Variants in MTOR observed in about 807,000 individuals in gnomAD.
The protein encoded by MTOR is serine/threonine-protein kinase mTOR.
A neutral mutation model predicts 319.8 loss-of-function variants in MTOR; 70 were observed. The ratio of observed to expected loss-of-function variants is 0.22; its 90% CI spans 0.18 to 0.27. The LOEUF (loss-of-function observed/expected upper bound fraction) is 0.27. MTOR is among the 10% of genes least tolerant of loss of function. The probability of loss-of-function intolerance (pLI) is 1.00; values close to 1 mark genes in which losing one functional copy is unlikely to be tolerated. For missense variants in MTOR, 1,890 were observed against 3,274.4 expected (o/e 0.58, Z 10.32); for synonymous variants, 1,183 against 1,211.4 (o/e 0.98, Z 0.49).
intron 19 of MTOR, among the ~76,000 whole-genome samples, chr1:11,227,806 C>T (rs1056353048): frequency 1.3e-5 from 2 of 152,098 alleles, no homozygotes; most frequent in Non-Finnish European, 2.9e-5. Context: ...GGATTATCAA[C>T]GGATGCTAAA....
rs776212740 is a variant in MTOR, at chr1:11,231,453, A to G, written c.2515-19T>C. ...GAGCCACCTGGATAGGCACAAGAAC[A>G]CGATTCAATGAGCCAGTACGAGAGA... is the stretch of plus-strand genomic sequence containing the variant. On this transcript the variant is annotated intron_variant, in intron 16 of 57. Transcript: ENST00000361445. 322 of 1,613,046 alleles carry G rather than the reference A, an allele frequency of 2.0e-4. No individual in the cohort carries two copies. The highest frequency in any genetic ancestry group is 2.6e-4 in the Non-Finnish European group (312 of 1,179,660).
rs543758004 is a variant in MTOR at position 11,183,146 on chromosome 1, T to C, written c.4254-15629A>G. Among the ~76,000 whole-genome samples, 3 of 152,362 alleles carry C rather than the reference T, an allele frequency of 2.0e-5. No homozygotes were observed. The East Asian group carries it at 5.8e-4, about 29-fold the overall frequency. On this transcript the variant is annotated intron_variant, in intron 28 of 57. Transcript: ENST00000361445. ...CATTTGCTATTTTCAGCCTTTTCCA[T>C]TTCAGCCCTTCTGGTTGGTGTGCAG...
At chr1:11,240,195 C>T in intron 11 of MTOR, 108 bp downstream of exon 11, 1 of 1,417,524 alleles carries the variant, frequency 7.1e-7, no homozygotes, top group South Asian at 1.6e-5. Context: ...ATCAGCTACC[C>T]TGTCTTTAGC....
At chr1:11,117,676 C>T (rs535464074) in intron 49 of MTOR, among the ~76,000 whole-genome samples, 38 of 152,106 alleles carry the variant, frequency 2.5e-4, no homozygotes, top group Admixed American at 1.2e-3. Context: ...AAATAGATGA[C>T]GATAGCCCCT....
intron 1 of MTOR, among the ~76,000 whole-genome samples, chr1:11,261,099 G>C (rs892833181): frequency 6.6e-6 from 1 of 151,870 alleles, no homozygotes; most frequent in Non-Finnish European, 1.5e-5. Context: ...GCCTGGACTA[G>C]TCACATTTCA....
chr1:11,130,400 G>T, intron 39 of MTOR, 129 bp downstream of exon 39: 1 of 1,397,142 alleles, frequency 7.2e-7, no homozygotes, highest in African/African-American at 1.4e-5. Context: ...TGGTAGATAG[G>T]CAGTATTTTC....
intron 28 of MTOR, chr1:11,195,810 T>C (rs1267826727): frequency 1.3e-5 from 2 of 152,480 alleles, no homozygotes; most frequent in Non-Finnish European, 2.9e-5. Flanking sequence ...TCAAGGAGCT[T>C]CCTTTTAAAT....
intron 28 of MTOR, among the ~76,000 whole-genome samples, chr1:11,173,415 C>CAA (rs1382828198): frequency 6.6e-6 from 1 of 151,928 alleles, no homozygotes; most frequent in African/African-American, 2.4e-5. Flanking sequence ...CTCAGCCTCT[C>CAA]AAAGGCCTAC....
At position 11,185,428 on chromosome 1, in the gene MTOR, A is replaced by AAAAG. The variant is rs552054713; in HGVS notation, c.4253+13826_4253+13829dup. Among the ~76,000 whole-genome samples, 453 of 150,578 alleles carry AAAAG rather than the reference A, an allele frequency of 3.0e-3. 3 individuals are homozygous for AAAAG. Among genetic ancestry groups the AAAAG allele is most frequent in the African/African-American group, 9.7e-3 (398 of 40,908 alleles). On this transcript the variant is annotated intron_variant, in intron 28 of 57. Transcript: ENST00000361445. The stretch of plus-strand genomic sequence containing the variant: ...CCCATCACTACAAAAAAAAAAAAAG[A>AAAAG]AAAGAAAGAAAGAAAGAAAGAAAAA...
intron 52 of MTOR, 79 bp downstream of exon 52, chr1:11,114,734 G>A: frequency 3.6e-6 from 5 of 1,390,672 alleles, no homozygotes; most frequent in Non-Finnish European, 5.1e-6. Flanking sequence ...GAACTGATGG[G>A]CTCTAACAAG....
At chr1:11,244,668 G>A (rs139835878) in intron 8 of MTOR, among the ~76,000 whole-genome samples, 125 of 152,280 alleles carry the variant, frequency 8.2e-4, no homozygotes, top group African/African-American at 2.8e-3. Flanking sequence ...CAGTACAGTC[G>A]TGTGCCACTT....
intron 28 of MTOR, among the ~76,000 whole-genome samples, chr1:11,198,590 G>A (rs1428529241): frequency 6.6e-6 from 1 of 152,182 alleles, no homozygotes; most frequent in Non-Finnish European, 1.5e-5. Context: ...ATGAGATCCC[G>A]AAGTTGATAT....
rs556622454 is a variant in MTOR at position 11,142,185 on chromosome 1, C to T, written c.4872+2463G>A. 6.8e-4 allele frequency among the ~76,000 whole-genome samples: 104 copies of T among 152,174 alleles called. 1 individual carries two copies. The highest frequency in any genetic ancestry group is 2.4e-3 in the African/African-American group (98 of 41,528). ...CTATCAGCAAATCTCCGTTGTGTTTCACAGTGGATTTGGCTGTGGCTTGCA... is the reference window on the plus strand; with the variant it reads ...CTATCAGCAAATCTCCGTTGTGTTTTACAGTGGATTTGGCTGTGGCTTGCA... On this transcript the variant is annotated intron_variant, in intron 34 of 57. Transcript: ENST00000361445.
At chr1:11,236,590 C>T (rs1417277091) in intron 13 of MTOR, among the ~76,000 whole-genome samples, 1 of 151,640 alleles carries the variant, frequency 6.6e-6, no homozygotes, top group Non-Finnish European at 1.5e-5. Flanking sequence ...TCACTGCAAC[C>T]TTCACCTCCT....
chr1:11,223,907 C>G (rs7543400), intron 19 of MTOR, among the ~76,000 whole-genome samples: 83,807 of 151,670 alleles, frequency 0.55, 27,148 homozygotes, highest in East Asian at 0.78. Flanking sequence ...GGCATGGTAG[C>G]ATGCACCTAT....
intron 28 of MTOR, among the ~76,000 whole-genome samples, chr1:11,175,108 A>G (rs1644941191): frequency 6.6e-6 from 1 of 152,092 alleles, no homozygotes; most frequent in South Asian, 2.1e-4. Context: ...CCTCCCTAAC[A>G]TGGGTGTGGG....
intron 28 of MTOR, among the ~76,000 whole-genome samples, chr1:11,172,544 C>T (rs1223841711): frequency 1.7e-5 from 2 of 117,288 alleles, no homozygotes; most frequent in Non-Finnish European, 3.4e-5. Context: ...TGGGTGACCG[C>T]GAGACTCTGT....
intron 47 of MTOR, among the ~76,000 whole-genome samples, chr1:11,122,674 A>T (rs944517461): frequency 6.6e-6 from 1 of 151,406 alleles, no homozygotes; most frequent in African/African-American, 2.4e-5. Context: ...CACCCGGCTA[A>T]TTTTTTGTAT....
At chr1:11,162,188 C>T (rs536039160) in intron 29 of MTOR, among the ~76,000 whole-genome samples, 30 of 152,172 alleles carry the variant, frequency 2.0e-4, no homozygotes, top group Admixed American at 1.7e-3. Flanking sequence ...GTATCAGTGA[C>T]TGAAGATCAA....
Sources: gnomAD v4.1 joint callset for allele counts (sites outside exome capture counted in the v4.1 genomes callset) on GRCh38, gnomAD v4.1.1 for gene constraint, MANE v1.5 for transcripts, NCBI Gene and HGNC (gene_info 2026-07-23, HGNC 2026-07-21) for gene names.